Variants in EXO1 observed in about 807,000 individuals in gnomAD.
EXO1 encodes the protein exonuclease 1.
A neutral mutation model predicts 84.5 loss-of-function variants in EXO1; 69 were observed. That is an observed-to-expected ratio of 0.82 (90% CI 0.67 to 1.00). The LOEUF (loss-of-function observed/expected upper bound fraction) is 1.00. Ranked by LOEUF, EXO1 falls within the 50% of genes least tolerant of loss-of-function variation. The probability of loss-of-function intolerance (pLI) is 0.00; values close to 1 mark genes in which losing one functional copy is unlikely to be tolerated. For synonymous variants in EXO1, 373 were observed against 366.1 expected (o/e 1.02, Z -0.21); for missense variants, 1,045 against 1,000.7 (o/e 1.04, Z -0.60).
At chr1:241,879,787 T>C (rs781414155) in intron 13 of EXO1, among the ~76,000 whole-genome samples, 26 of 152,188 alleles carry the variant, frequency 1.7e-4, no homozygotes, top group Non-Finnish European at 2.4e-4. Flanking sequence ...AGCGGATCAC[T>C]TGAGGTCAGG....
At chr1:241,852,528 C>T in intron 5 of EXO1, 117 bp downstream of exon 5, 1 of 892,258 alleles carries the variant, frequency 1.1e-6, no homozygotes, top group Non-Finnish European at 1.8e-6. Context: ...ACCTGTTGTC[C>T]TAGGTACTCG....
chr1:241,878,386 A>G (rs1300234018), intron 12 of EXO1, among the ~76,000 whole-genome samples: 1 of 151,522 alleles, frequency 6.6e-6, no homozygotes, highest in Non-Finnish European at 1.5e-5. Context: ...AATCCCACCT[A>G]CTCAGGAGGC....
At chr1:241,854,523 A>G (rs977639566) in intron 6 of EXO1, 3 of 152,346 alleles carry the variant, frequency 2.0e-5, no homozygotes, top group African/African-American at 4.8e-5. Flanking sequence ...TAGGCGCTAC[A>G]CTTCTGATTT....
chr1:241,881,212 G>C (rs1021768973), intron 13 of EXO1, among the ~76,000 whole-genome samples: 1 of 152,060 alleles, frequency 6.6e-6, no homozygotes, highest in African/African-American at 2.4e-5. Context: ...ATTTTTAGTA[G>C]AGACAGGATT....
At chr1:241,851,992 G>T (rs1036850412) in intron 4 of EXO1, among the ~76,000 whole-genome samples, 1 of 152,150 alleles carries the variant, frequency 6.6e-6, no homozygotes, top group Non-Finnish European at 1.5e-5. Flanking sequence ...GGAAAGACCA[G>T]ATTTGAAACC....
At position 241,886,823 on chromosome 1, in the gene EXO1, T is replaced by C. The variant is rs1005024975; in HGVS notation, c.2405+1316T>C. Among the ~76,000 whole-genome samples the C allele has an allele frequency of 2.0e-5, 3 of 152,208 alleles. No homozygotes were observed. In the Middle Eastern group the frequency reaches 0.01, roughly 518 times the overall value. Reference sequence around the variant, plus strand: ...ATATTTTCCAAATCCCCCCAAAAGGTAAGAAAAGTGGCATGGCTTTACATT... The same window carrying C: ...ATATTTTCCAAATCCCCCCAAAAGGCAAGAAAAGTGGCATGGCTTTACATT... On this transcript the variant is annotated intron_variant, in intron 15 of 15. Coordinates refer to ENST00000366548, the MANE Select transcript of EXO1 (RefSeq NM_130398.4).
intron 6 of EXO1, among the ~76,000 whole-genome samples, chr1:241,855,469 C>CACAGGGTGCTGATTGGT (rs1660938369): frequency 6.6e-6 from 1 of 152,224 alleles, no homozygotes; most frequent in Non-Finnish European, 1.5e-5. Context: ...CTGAGCTAGA[C>CACAGGGTGCTGATTGGT]GTAAAGATTC....
chr1:241,884,076 A>G (rs939993616), intron 14 of EXO1, among the ~76,000 whole-genome samples: 9 of 152,158 alleles, frequency 5.9e-5, no homozygotes, highest in African/African-American at 1.2e-4. Context: ...TGTTTTATCT[A>G]TTAAATAAAA....
At chr1:241,870,665 G>A (rs1662032887) in intron 11 of EXO1, among the ~76,000 whole-genome samples, 1 of 152,180 alleles carries the variant, frequency 6.6e-6, no homozygotes, top group South Asian at 2.1e-4. Flanking sequence ...AAACTTAAAT[G>A]TGGGTTAACT....
chr1:241,866,562 A>ATTTTT (rs34121929), intron 10 of EXO1, among the ~76,000 whole-genome samples: 1 of 119,128 alleles, frequency 8.4e-6, no homozygotes, highest in Non-Finnish European at 1.7e-5. Context: ...GCAACTCTTG[A>ATTTTT]TTTTTTTTTT....
chr1:241,849,724 T>C (rs1660545192), intron 3 of EXO1, among the ~76,000 whole-genome samples: 2 of 152,376 alleles, frequency 1.3e-5, no homozygotes, highest in Admixed American at 1.3e-4. Context: ...CTATTTGAAT[T>C]TGCACGTTGA....
At chr1:241,877,396 T>TA (rs1574174812) in intron 12 of EXO1, among the ~76,000 whole-genome samples, 1 of 152,136 alleles carries the variant, frequency 6.6e-6, no homozygotes, top group Non-Finnish European at 1.5e-5. Flanking sequence ...GCCGTTGATT[T>TA]AAAAATGAAT....
At chr1:241,853,945 G>T (rs1329098765) in intron 6 of EXO1, among the ~76,000 whole-genome samples, 1 of 152,086 alleles carries the variant, frequency 6.6e-6, no homozygotes, top group African/African-American at 2.4e-5. Context: ...ACTGTAACCG[G>T]CACTCTTGAA....
intron 15 of EXO1, among the ~76,000 whole-genome samples, 176 bp from the exon 16 acceptor site, chr1:241,889,286 TCAG>T (rs1366923292): frequency 1.3e-5 from 2 of 152,138 alleles, no homozygotes; most frequent in Non-Finnish European, 2.9e-5. Context: ...GAAGTGAGAC[TCAG>T]AATGTATTGG....
At chr1:241,865,817 A>G (rs572578896) in intron 10 of EXO1, among the ~76,000 whole-genome samples, 1 of 152,316 alleles carries the variant, frequency 6.6e-6, no homozygotes, top group South Asian at 2.1e-4. Flanking sequence ...CATGAGCCAT[A>G]CTGATAAAGC....
rs1397342924 is a variant in EXO1 at position 241,853,443 on chromosome 1, A to T, written c.367A>T (p.Ile123Phe). 2.5e-6 allele frequency: 4 copies of T among 1,613,980 alleles called. No homozygotes were observed. ...SEARECFTRSINITHAMAHKV... is the reference protein window; with the variant it reads ...SEARECFTRSFNITHAMAHKV... The stretch of plus-strand genomic sequence containing the variant: ...AGCTCGAGAGTGTTTCACCCGGTCT[A>T]TCAATATCACACATGCCATGGCCCA... Residue 123 changes from isoleucine to phenylalanine, a missense_variant, in exon 6 of 16, where the codon ATC becomes TTC. Transcript: ENST00000366548.
At chr1:241,882,227 G>A (rs1475415021) in intron 14 of EXO1, among the ~76,000 whole-genome samples, 1 of 152,078 alleles carries the variant, frequency 6.6e-6, no homozygotes, top group East Asian at 1.9e-4. Context: ...CACTTTCCAA[G>A]TACTTTTAGT....
At chr1:241,852,132 AG>A (rs1381411204) in intron 4 of EXO1, among the ~76,000 whole-genome samples, 159 bp from the exon 5 acceptor site, 1 of 152,250 alleles carries the variant, frequency 6.6e-6, no homozygotes, top group African/African-American at 2.4e-5. Context: ...TTTGAATCCA[AG>A]TCTAGTAAGT....
At position 241,849,136 on chromosome 1, in the gene EXO1, T is replaced by C. The variant is rs1327494491; in HGVS notation, c.-98T>C. 6.6e-6 allele frequency: 1 copy of C among 152,160 alleles called. No individual in the cohort carries two copies. The highest frequency in any genetic ancestry group is 1.5e-5 in the Non-Finnish European group (1 of 68,032). The allele number at this position is 152,160 out of a possible 1,614,324, so 9.4% of individuals were successfully genotyped here. A position where few individuals can be genotyped will look rare whatever the true frequency, so the allele number is the denominator to read the frequency against. ...GAACTAGTGAATCCCAGTCACTGAG[T>C]GGAGTTGAGAGTCTAAGAACCTCTG... On this transcript the variant is annotated 5_prime_UTR_variant, in exon 3 of 16. Coordinates refer to ENST00000366548, the MANE Select transcript of EXO1 (RefSeq NM_130398.4).
Sources: gnomAD v4.1 joint callset for allele counts (sites outside exome capture counted in the v4.1 genomes callset) on GRCh38, gnomAD v4.1.1 for gene constraint, MANE v1.5 for transcripts, NCBI Gene and HGNC (gene_info 2026-07-23, HGNC 2026-07-21) for gene names.